NOP14: variants seen among roughly 807,000 people sequenced by gnomAD.
The protein encoded by NOP14 is NOP14 nucleolar protein.
NOP14 carries 57 observed loss-of-function variants against 101.6 expected under a neutral mutation model. That is an observed-to-expected ratio of 0.56 (90% CI 0.45 to 0.70). NOP14 has a LOEUF of 0.70. NOP14 is among the 30% of genes least tolerant of loss of function. NOP14 has a pLI of 0.00. For synonymous variants in NOP14, 428 were observed against 424.0 expected (o/e 1.01, Z -0.12); for missense variants, 1,134 against 1,075.5 (o/e 1.05, Z -0.76).
At chr4:2,951,294 G>A in intron 6 of NOP14, 49 bp from the exon 7 acceptor site, 1 of 1,592,826 alleles carries the variant, frequency 6.3e-7, no homozygotes, top group Non-Finnish European at 8.6e-7. Flanking sequence ...TCCAACATAT[G>A]GTGAGGGGGC....
At chr4:2,939,750 G>C in intron 15 of NOP14, 105 bp from the exon 16 acceptor site, 9 of 870,814 alleles carry the variant, frequency 1.0e-5, no homozygotes, top group Non-Finnish European at 1.7e-5. Flanking sequence ...ACAGTGCTGC[G>C]AGCTCCCTGC....
At position 2,939,249 on chromosome 4, in the gene NOP14, G is replaced by C. The variant is rs188640033; in HGVS notation, c.2413C>G (p.Arg805Gly). The change falls in exon 17 of 18, where the codon CGA becomes GGA. Residue 805 changes from arginine (R) to glycine (G), a missense_variant. Coordinates refer to ENST00000416614, the MANE Select transcript of NOP14 (RefSeq NM_001291978.2). ...AACTGATTGTCCTTGCGGATTTCTC[G>C]AACGGCCCCTTTAAATTCACGCTTG... ...KHKREFKGAVREIRKDNQFLA... is the reference protein window; with the variant it reads ...KHKREFKGAVGEIRKDNQFLA... 9 of 1,613,858 alleles carry C rather than the reference G, an allele frequency of 5.6e-6. No individual in the cohort carries two copies. The highest frequency in any genetic ancestry group is 2.2e-5 in the East Asian group (1 of 44,900).
intron 1 of NOP14, among the ~76,000 whole-genome samples, chr4:2,962,217 C>G (rs1577863027): frequency 6.6e-6 from 1 of 152,190 alleles, no homozygotes; most frequent in Non-Finnish European, 1.5e-5. Flanking sequence ...AATGAGAAAA[C>G]TGAGGCTTCA....
At chr4:2,940,903 G>C (rs1714123612) in intron 15 of NOP14, 2 of 153,276 alleles carry the variant, frequency 1.3e-5, no homozygotes, top group South Asian at 2.0e-4. Context: ...TGCCAGGGCT[G>C]TGCTGGTGGT....
rs1713800401 is a variant in NOP14, at chr4:2,938,157, GAAAC to G, written c.*670_*673del. The G allele has an allele frequency of 4.7e-6, 6 of 1,278,302 alleles. No individual in the cohort carries two copies. The Admixed American group carries it at 9.5e-5, about 20-fold the overall frequency. The allele number at this position is 1,278,302 out of a possible 1,614,324, so 79.2% of individuals were successfully genotyped here. ...TATTTCATCAGGTGACGTTTTAACA[GAAAC>G]AAAACCGCAGGCAGCGGGTGGGGGG... is the stretch of plus-strand genomic sequence containing the variant. On this transcript the variant is annotated 3_prime_UTR_variant, in exon 18 of 18. Transcript: ENST00000416614.
In NOP14 at chr4:2,938,686, T is replaced by G. The variant is rs1363215836; in HGVS notation, c.*145A>C. The G allele has an allele frequency of 3.1e-6, 2 of 637,790 alleles. No individual in the cohort carries two copies. Among genetic ancestry groups the G allele is most frequent in the East Asian group, 2.8e-5 (1 of 35,742 alleles). 39.5% of individuals were successfully genotyped at this position (637,790 alleles called of 1,614,324 possible). Reference sequence around the variant, plus strand: ...ACACTTGGCTAATTTTTATGTTTTTTTGGTAGAGACGGGGTCTTCCTGTGT... The same window carrying G: ...ACACTTGGCTAATTTTTATGTTTTTGTGGTAGAGACGGGGTCTTCCTGTGT... On this transcript the variant is annotated 3_prime_UTR_variant, in exon 18 of 18. Coordinates refer to ENST00000416614, the MANE Select transcript of NOP14 (RefSeq NM_001291978.2).
intron 8 of NOP14, among the ~76,000 whole-genome samples, chr4:2,949,558 A>G (rs929960577): frequency 2.0e-5 from 3 of 152,138 alleles, no homozygotes; most frequent in African/African-American, 7.2e-5. Context: ...TCCATCTAAA[A>G]TGTTACGTGG....
At chr4:2,940,197 T>C (rs1714049117) in intron 15 of NOP14, 1 of 154,002 alleles carries the variant, frequency 6.5e-6, no homozygotes, top group Non-Finnish European at 1.4e-5. Flanking sequence ...TTAAGACCCA[T>C]TTTCACCAAG....
At chr4:2,945,031 A>C (rs1392744281) in intron 12 of NOP14, 97 bp downstream of exon 12, 2 of 820,786 alleles carry the variant, frequency 2.4e-6, no homozygotes, top group Non-Finnish European at 3.9e-6. Context: ...CAGCCCTTAA[A>C]CAGCCACACT....
At chr4:2,960,704 TTAATATATTAATATTATAATCAC>T (rs1715690245) in intron 1 of NOP14, among the ~76,000 whole-genome samples, 1 of 132,890 alleles carries the variant, frequency 7.5e-6, no homozygotes, top group African/African-American at 3.0e-5. Context: ...CACATTAATA[TTAATATATTAATATTATAATCAC>T]ATTAATATTA....
chr4:2,958,456 ACTT>A (rs1715497460), intron 1 of NOP14, among the ~76,000 whole-genome samples: 1 of 152,176 alleles, frequency 6.6e-6, no homozygotes, highest in South Asian at 2.1e-4. Context: ...TTGCTGCGGA[ACTT>A]CTTCTATTTG....
In NOP14 at chr4:2,938,894, A is replaced by G. The variant is rs1713902208; in HGVS notation, c.2511T>C (p.Phe837=). The change falls in exon 18 of 18, where the codon TTT becomes TTC. Residue 837 remains phenylalanine (F), a synonymous_variant. Transcript: ENST00000416614. ...CGCCTTCCTGTGTAGCCAGGCTGTT[A>G]AAAAGCTGCTTTACTTTCCGCTTTC... The part of the protein sequence containing the change: ...AERKRKVKQL[F]NSLATQEGEW... The G allele has an allele frequency of 6.2e-7, 1 of 1,614,140 alleles. No individual in the cohort carries two copies.
At chr4:2,959,449 C>T (rs2858038) in intron 1 of NOP14, among the ~76,000 whole-genome samples, 90,990 of 151,474 alleles carry the variant, frequency 0.6, 28,358 homozygotes, top group African/African-American at 0.75. Context: ...AAAAATTAGC[C>T]GGGTGTGGTG....
Position 2,944,080 on chromosome 4 carries a change from T to G in NOP14, c.1884A>C (p.Ala628=), listed in dbSNP as rs1352506680. The G allele has an allele frequency of 1.9e-6, 3 of 1,607,352 alleles. No homozygotes were observed. The highest frequency in any genetic ancestry group is 2.5e-6 in the Non-Finnish European group (3 of 1,177,630). ...GILYIATPNK[A]SQGSTLVHPF... ...TCCCTCAAATCAACTCACCTTGGCT[T>G]GCTTTGTTTGGAGTTGCTATGTAAA... is the stretch of plus-strand genomic sequence containing the variant. Residue 628 remains alanine (A), a synonymous_variant, in exon 13 of 18, where the codon GCA becomes GCC. Coordinates refer to ENST00000416614, the MANE Select transcript of NOP14 (RefSeq NM_001291978.2).
intron 1 of NOP14, among the ~76,000 whole-genome samples, chr4:2,958,896 G>A (rs1162335860): frequency 1.3e-5 from 2 of 152,192 alleles, no homozygotes; most frequent in Admixed American, 1.3e-4. Context: ...AAAAGAGAGT[G>A]GAAGGGGTTA....
intron 12 of NOP14, among the ~76,000 whole-genome samples, chr4:2,944,639 T>C (rs1229454528): frequency 6.6e-6 from 1 of 152,146 alleles, no homozygotes. Flanking sequence ...ACTCCCGACC[T>C]CAGGTGATCC....
At chr4:2,941,382 G>A in intron 15 of NOP14, 200 bp downstream of exon 15, 1 of 576,032 alleles carries the variant, frequency 1.7e-6, no homozygotes, top group Non-Finnish European at 3.1e-6. Context: ...CTGAGATGCA[G>A]CATCTGCTTT....
Position 2,950,094 on chromosome 4 carries a change from G to A in NOP14, c.1122C>T (p.Asp374=), listed in dbSNP as rs1714916206. The change falls in exon 8 of 18, where the codon GAC becomes GAT. Residue 374 remains aspartate, a synonymous_variant. Coordinates refer to ENST00000416614, the MANE Select transcript of NOP14 (RefSeq NM_001291978.2). ...CCAGGTCCAAGTGGCTATCTGGGCT[G>A]TCGCTCTCCTCTGTGTCCTCCCCGC... ...SSGGEDTEES[D]SPDSHLDLES... The A allele has an allele frequency of 3.1e-6, 5 of 1,614,074 alleles. No homozygotes were observed. The highest frequency in any genetic ancestry group is 4.2e-6 in the Non-Finnish European group (5 of 1,179,994).
At chr4:2,939,075 C>G in intron 17 of NOP14, 113 bp downstream of exon 17, 3 of 1,537,802 alleles carry the variant, frequency 2.0e-6, no homozygotes, top group Non-Finnish European at 2.7e-6. Flanking sequence ...GGCTCCAACC[C>G]CCAGCCAGAG....
Sources: allele counts gnomAD v4.1 joint callset (sites outside exome capture counted in the v4.1 genomes callset), GRCh38; gene constraint gnomAD v4.1.1; transcripts MANE v1.5; gene names NCBI Gene and HGNC (gene_info 2026-07-23, HGNC 2026-07-21).